Variants in TEKT5 observed in about 807,000 individuals in gnomAD.
TEKT5 encodes tektin 5.
TEKT5 carries 52 observed loss-of-function variants against 48.7 expected under a neutral mutation model. That is an observed-to-expected ratio of 1.07 (90% CI 0.86 to 1.35). The LOEUF (loss-of-function observed/expected upper bound fraction) is 1.35, where lower values mean the gene tolerates loss of function less well. Among genes scored for constraint, TEKT5 ranks in the 40% most tolerant of loss-of-function variants. The pLI, the probability that TEKT5 is intolerant of heterozygous loss-of-function variation, is 0.00. For missense variants in TEKT5, 831 were observed against 641.6 expected (o/e 1.30, Z -3.19); for synonymous variants, 318 against 267.6 (o/e 1.19, Z -1.84).
At chr16:10,687,514 A>G (rs1375003383) in intron 3 of TEKT5, among the ~76,000 whole-genome samples, 2 of 152,246 alleles carry the variant, frequency 1.3e-5, no homozygotes, top group Non-Finnish European at 2.9e-5. Flanking sequence ...GCACTGTGGG[A>G]GCCTGAGGTG....
intron 6 of TEKT5, among the ~76,000 whole-genome samples, chr16:10,632,550 C>A (rs1156493148): frequency 1.3e-5 from 2 of 152,096 alleles, no homozygotes; most frequent in Non-Finnish European, 2.9e-5. Flanking sequence ...CCCACCTCAG[C>A]CTCCCAAAGT....
At chr16:10,654,756 G>T (rs894200144) in intron 5 of TEKT5, among the ~76,000 whole-genome samples, 1 of 152,112 alleles carries the variant, frequency 6.6e-6, no homozygotes, top group African/African-American at 2.4e-5. Flanking sequence ...CAGACCACAG[G>T]TTGTGGGACT....
chr16:10,675,741 G>T (rs1323744431), intron 5 of TEKT5, among the ~76,000 whole-genome samples: 1 of 152,090 alleles, frequency 6.6e-6, no homozygotes, highest in Non-Finnish European at 1.5e-5. Flanking sequence ...CAAGCTCCAG[G>T]CTTGTAAGCA....
chr16:10,674,187 C>T (rs926773301), intron 5 of TEKT5, among the ~76,000 whole-genome samples: 3 of 151,988 alleles, frequency 2.0e-5, no homozygotes, highest in South Asian at 2.1e-4. Flanking sequence ...ATCCTCTTCC[C>T]ACCAACTTTT....
At chr16:10,659,913 G>T (rs1319363952) in intron 5 of TEKT5, among the ~76,000 whole-genome samples, 1 of 152,168 alleles carries the variant, frequency 6.6e-6, no homozygotes, top group African/African-American at 2.4e-5. Context: ...TTAAATGGCA[G>T]TGAATTGTTC....
chr16:10,636,848 G>T (rs1207820745), intron 5 of TEKT5, among the ~76,000 whole-genome samples: 1 of 145,814 alleles, frequency 6.9e-6, no homozygotes, highest in African/African-American at 2.8e-5. Context: ...AGGGAGTCTC[G>T]CTCTGTCGCC....
At chr16:10,659,278 G>A (rs1898318757) in intron 5 of TEKT5, among the ~76,000 whole-genome samples, 2 of 152,198 alleles carry the variant, frequency 1.3e-5, no homozygotes, top group Admixed American at 6.5e-5. Flanking sequence ...ACATGTACCT[G>A]ACGAATATGT....
chr16:10,668,205 T>C (rs1479210885), intron 5 of TEKT5, among the ~76,000 whole-genome samples: 1 of 152,164 alleles, frequency 6.6e-6, no homozygotes, highest in African/African-American at 2.4e-5. Flanking sequence ...TAATTATATC[T>C]AGGTTCTATT....
intron 4 of TEKT5, among the ~76,000 whole-genome samples, chr16:10,676,720 A>G (rs1898653428): frequency 1.3e-5 from 2 of 152,198 alleles, no homozygotes; most frequent in South Asian, 2.1e-4. Flanking sequence ...CCATTCATTC[A>G]TGGAATATTT....
chr16:10,664,135 A>AT (rs1030191756), intron 5 of TEKT5, among the ~76,000 whole-genome samples: 1 of 152,070 alleles, frequency 6.6e-6, no homozygotes, highest in Non-Finnish European at 1.5e-5. Context: ...GTGTTTGCTT[A>AT]TTTTTTTAAC....
rs1234151184 is a variant in TEKT5 at position 10,659,571 on chromosome 16, G to A, written c.1086+16388C>T. 2.6e-5 allele frequency among the ~76,000 whole-genome samples: 4 copies of A among 152,038 alleles called. No homozygotes were observed. In the East Asian group the frequency reaches 7.7e-4, roughly 29 times the overall value. Reference sequence around the variant, plus strand: ...ATTTTTTGTATTTTTAGTAGAGATGGGGTTTCACCATGTTAGCCTGACCTC... The same window carrying A: ...ATTTTTTGTATTTTTAGTAGAGATGAGGTTTCACCATGTTAGCCTGACCTC... On this transcript the variant is annotated intron_variant, in intron 5 of 6. Transcript: ENST00000283025.
intron 5 of TEKT5, among the ~76,000 whole-genome samples, chr16:10,652,869 A>ACACACCCC (rs1178174946): frequency 2.1e-4 from 19 of 88,958 alleles, no homozygotes; most frequent in African/African-American, 9.6e-4. Context: ...ACACACACAC[A>ACACACCCC]CCCTCCAGGT....
At chr16:10,652,492 A>ACCCC (rs1555465662) in intron 5 of TEKT5, among the ~76,000 whole-genome samples, 1 of 122,934 alleles carries the variant, frequency 8.1e-6, no homozygotes, top group Non-Finnish European at 1.7e-5. Context: ...ACACACACAC[A>ACCCC]CACCCTCCAG....
chr16:10,666,458 TC>T (rs1234811859), intron 5 of TEKT5, among the ~76,000 whole-genome samples: 17 of 152,180 alleles, frequency 1.1e-4, no homozygotes, highest in African/African-American at 4.1e-4. Context: ...TTTAGCAGTA[TC>T]CCTGGCCTCT....
chr16:10,648,533 T>C (rs1049395079), intron 5 of TEKT5, among the ~76,000 whole-genome samples: 2 of 152,360 alleles, frequency 1.3e-5, no homozygotes, highest in Admixed American at 6.5e-5. Flanking sequence ...GGTTTTGCCA[T>C]GTTGGCCAGG....
At position 10,627,691 on chromosome 16, in the gene TEKT5, C is replaced by A. The variant is rs745389924; in HGVS notation, c.1350G>T (p.Leu450=). 94 of 1,614,120 alleles carry A rather than the reference C, an allele frequency of 5.8e-5. No homozygotes were observed. Among genetic ancestry groups the A allele is most frequent in the Admixed American group, 1.7e-5 (1 of 60,004 alleles). Residue 450 remains leucine (L), a synonymous_variant, in exon 7 of 7, where the codon CTG becomes CTT. Coordinates refer to ENST00000283025, the MANE Select transcript of TEKT5 (RefSeq NM_144674.2). ...TGGCCTTGATGGCGAGCTCGTGCTC[C>A]AGCCGGCACTTGGTCATGACCAGCA... ...LQLLVMTKCR[L]EHELAIKANT...
At chr16:10,663,784 C>G (rs185744480) in intron 5 of TEKT5, among the ~76,000 whole-genome samples, 169 of 152,322 alleles carry the variant, frequency 1.1e-3, no homozygotes, top group African/African-American at 3.8e-3. Flanking sequence ...TTTCAACAAC[C>G]AAAAATGTCT....
intron 5 of TEKT5, among the ~76,000 whole-genome samples, chr16:10,659,419 A>G (rs1205550531): frequency 6.6e-6 from 1 of 152,186 alleles, no homozygotes; most frequent in Non-Finnish European, 1.5e-5. Context: ...TCGCTTTGTC[A>G]CACAGGCTGG....
chr16:10,673,080 T>C (rs1231183722), intron 5 of TEKT5, among the ~76,000 whole-genome samples: 2 of 152,292 alleles, frequency 1.3e-5, no homozygotes, highest in Non-Finnish European at 2.9e-5. Flanking sequence ...ATCATAACCA[T>C]GCAGTCTGGC....
Sources: allele counts gnomAD v4.1 joint callset (sites outside exome capture counted in the v4.1 genomes callset), GRCh38; gene constraint gnomAD v4.1.1; transcripts MANE v1.5; gene names NCBI Gene and HGNC (gene_info 2026-07-23, HGNC 2026-07-21).